The following MTUS2 variants were observed in gnomAD, a reference collection of about 807,000 sequenced individuals.
MTUS2 encodes the protein microtubule associated scaffold protein 2, also known as microtubule-associated tumor suppressor candidate 2.
A neutral mutation model predicts 114.1 loss-of-function variants in MTUS2; 40 were observed. That is an observed-to-expected ratio of 0.35 (90% CI 0.27 to 0.46). The LOEUF is 0.46. MTUS2 is among the 20% of genes least tolerant of loss of function. MTUS2 has a pLI of 1.00. For missense variants in MTUS2, 1,679 were observed against 1,705.4 expected (o/e 0.98, Z 0.27); for synonymous variants, 688 against 672.0 (o/e 1.02, Z -0.37).
intron 7 of MTUS2, among the ~76,000 whole-genome samples, chr13:29,347,774 G>A (rs1441785847): frequency 1.3e-5 from 2 of 152,288 alleles, no homozygotes; most frequent in East Asian, 3.9e-4. Context: ...CCACACGTCT[G>A]TCTGACTTGG....
At chr13:29,458,580 T>C (rs1258801603) in intron 9 of MTUS2, among the ~76,000 whole-genome samples, 1 of 152,132 alleles carries the variant, frequency 6.6e-6, no homozygotes, top group East Asian at 1.9e-4. Context: ...TCTGATGATC[T>C]CATCTACCCC....
At chr13:29,231,312 TA>T (rs1315887899) in intron 5 of MTUS2, among the ~76,000 whole-genome samples, 1 of 152,228 alleles carries the variant, frequency 6.6e-6, no homozygotes. Flanking sequence ...AAAAGTTTTT[TA>T]AAACTTTTTC....
chr13:28,943,198 A>C (rs1882340224), intron 2 of MTUS2, among the ~76,000 whole-genome samples: 1 of 152,122 alleles, frequency 6.6e-6, no homozygotes, highest in Admixed American at 6.5e-5. Context: ...TCATATTGCT[A>C]TTTTTAGAGC....
At chr13:29,475,032 T>C (rs907608179) in intron 9 of MTUS2, among the ~76,000 whole-genome samples, 4 of 152,216 alleles carry the variant, frequency 2.6e-5, no homozygotes, top group Non-Finnish European at 5.9e-5. Flanking sequence ...TTCTTATTAT[T>C]TTCATTTGAG....
At chr13:28,836,488 C>G (rs1875094573) in intron 1 of MTUS2, among the ~76,000 whole-genome samples, 1 of 152,190 alleles carries the variant, frequency 6.6e-6, no homozygotes, top group African/African-American at 2.4e-5. Context: ...AAATCATAGT[C>G]TGTTTCTACA....
intron 6 of MTUS2, among the ~76,000 whole-genome samples, chr13:29,323,846 G>T (rs1900363843): frequency 6.6e-6 from 1 of 152,154 alleles, no homozygotes. Flanking sequence ...TTTTTGAAAT[G>T]ACCTAACAGT....
intron 4 of MTUS2, among the ~76,000 whole-genome samples, chr13:29,061,739 T>A (rs1433869569): frequency 6.6e-6 from 1 of 152,254 alleles, no homozygotes; most frequent in Non-Finnish European, 1.5e-5. Flanking sequence ...TCCCTGAGGA[T>A]CATAGCCCTT....
rs1170481913 is a variant in MTUS2, at chr13:29,505,457, TTG to T, written c.*2253_*2254del. ...TTCCACGTGGCCCTGGCTTCGTGGT[TTG>T]TTTGTTTTTTTTCTTTTGTTACGGA... is the stretch of plus-strand genomic sequence containing the variant. On this transcript the variant is annotated 3_prime_UTR_variant, in exon 16 of 16. Coordinates refer to ENST00000612955, the MANE Select transcript of MTUS2 (RefSeq NM_001033602.4). 1 of 182,950 alleles carries T rather than the reference TTG, an allele frequency of 5.5e-6. No homozygotes were observed. 11.3% of individuals were successfully genotyped at this position (182,950 alleles called of 1,614,324 possible).
At chr13:28,857,842 A>T (rs1876732974) in intron 2 of MTUS2, among the ~76,000 whole-genome samples, 1 of 152,186 alleles carries the variant, frequency 6.6e-6, no homozygotes, top group Admixed American at 6.5e-5. Flanking sequence ...ATCATCATCT[A>T]TCCATCCATC....
chr13:29,215,992 C>G (rs1895664810), intron 5 of MTUS2, among the ~76,000 whole-genome samples: 1 of 152,210 alleles, frequency 6.6e-6, no homozygotes. Flanking sequence ...TCCTCTTCCC[C>G]CAGGTGCTCT....
chr13:28,990,476 G>A (rs1010121646), intron 2 of MTUS2, among the ~76,000 whole-genome samples: 1 of 151,910 alleles, frequency 6.6e-6, no homozygotes, highest in Non-Finnish European at 1.5e-5. Flanking sequence ...TCATCAGTCT[G>A]TGTCTAAAGG....
intron 6 of MTUS2, among the ~76,000 whole-genome samples, chr13:29,313,529 G>C (rs928110173): frequency 6.6e-6 from 1 of 152,158 alleles, no homozygotes; most frequent in African/African-American, 2.4e-5. Flanking sequence ...ATTATATAGA[G>C]AGATAAGATG....
chr13:29,170,664 G>A (rs1893518820), intron 5 of MTUS2, among the ~76,000 whole-genome samples: 1 of 152,094 alleles, frequency 6.6e-6, no homozygotes. Context: ...TCCCAAATGG[G>A]GCGGGGCATT....
In MTUS2 at chr13:29,038,917, G is replaced by A. The variant is rs561296641; in HGVS notation, c.2446+4792G>A. The stretch of plus-strand genomic sequence containing the variant: ...AGCTCGACCACCAGGCTGCGGGCGG[G>A]CCTGGGGTGCCGGGCCTTCCAAAGC... On this transcript the variant is annotated intron_variant, in intron 4 of 15. Transcript: ENST00000612955. 2.5e-3 allele frequency among the ~76,000 whole-genome samples: 379 copies of A among 152,342 alleles called. 1 individual carries two copies. Among genetic ancestry groups the A allele is most frequent in the Non-Finnish European group, 4.3e-3 (293 of 68,028 alleles).
chr13:28,989,826 T>A (rs1472096203), intron 2 of MTUS2, among the ~76,000 whole-genome samples: 1 of 145,374 alleles, frequency 6.9e-6, no homozygotes, highest in East Asian at 2.2e-4. Context: ...CAAGTCAGGC[T>A]TTGGGCCTTT....
intron 6 of MTUS2, among the ~76,000 whole-genome samples, chr13:29,318,851 G>C (rs2139664618): frequency 6.6e-6 from 1 of 152,290 alleles, no homozygotes; most frequent in East Asian, 1.9e-4. Context: ...GATGCTTCTT[G>C]CTACACTATG....
At chr13:29,163,539 C>T (rs189710572) in intron 5 of MTUS2, among the ~76,000 whole-genome samples, 125 of 152,156 alleles carry the variant, frequency 8.2e-4, no homozygotes, top group Non-Finnish European at 1.2e-3. Context: ...TATGTGTTCA[C>T]GTGTGTGCAT....
intron 2 of MTUS2, among the ~76,000 whole-genome samples, chr13:28,857,993 G>A (rs1244182895): frequency 6.6e-6 from 1 of 152,182 alleles, no homozygotes; most frequent in Non-Finnish European, 1.5e-5. Flanking sequence ...ACAAGTGTAC[G>A]ATTGCAACAG....
chr13:29,022,456 T>C lies in MTUS2; in HGVS notation c.-242-2001T>C, dbSNP rs552204162. On this transcript the variant is annotated intron_variant, in intron 2 of 15. Coordinates refer to ENST00000612955, the MANE Select transcript of MTUS2 (RefSeq NM_001033602.4). ...CCTCCCACCTCAGGCTCCCAAAGCGTTGGGATTACAGGTGTGAGCTACTGT... is the reference window on the plus strand; with the variant it reads ...CCTCCCACCTCAGGCTCCCAAAGCGCTGGGATTACAGGTGTGAGCTACTGT... 8.5e-5 allele frequency among the ~76,000 whole-genome samples: 13 copies of C among 152,258 alleles called. 1 individual carries two copies. The South Asian group carries it at 2.5e-3, about 29-fold the overall frequency.
Sources: allele counts gnomAD v4.1 joint callset (sites outside exome capture counted in the v4.1 genomes callset), GRCh38; gene constraint gnomAD v4.1.1; transcripts MANE v1.5; gene names NCBI Gene and HGNC (gene_info 2026-07-23, HGNC 2026-07-21).